PKN2: variants seen among roughly 807,000 people sequenced by gnomAD.
PKN2 encodes protein kinase N2.
PKN2 carries 38 observed loss-of-function variants against 119.1 expected under a neutral mutation model. That is an observed-to-expected ratio of 0.32 (90% CI 0.25 to 0.42). PKN2 has a LOEUF of 0.42. Among genes scored for constraint, PKN2 ranks in the 10% least tolerant of loss-of-function variants. The pLI is 1.00. For synonymous variants in PKN2, 390 were observed against 384.9 expected (o/e 1.01, Z -0.15); for missense variants, 850 against 1,165.1 (o/e 0.73, Z 3.94).
chr1:88,742,857 C>T (rs1477532549), intron 2 of PKN2, among the ~76,000 whole-genome samples: 9 of 152,104 alleles, frequency 5.9e-5, no homozygotes, highest in East Asian at 5.8e-4. Flanking sequence ...TTTATCATCA[C>T]GAGGAGCCCA....
rs936672907 is a variant in PKN2, at chr1:88,722,603, A to AC, written c.49-18381dup. ...AGCCTGGGCAACGTAGCACAGTGAG[A>AC]CCCCATCTCTACAAAAAAATTTAAA... is the stretch of plus-strand genomic sequence containing the variant. On this transcript the variant is annotated intron_variant, in intron 1 of 21. Coordinates refer to ENST00000370521, the MANE Select transcript of PKN2 (RefSeq NM_006256.4). Among the ~76,000 whole-genome samples the AC allele has an allele frequency of 1.4e-4, 22 of 151,992 alleles. 1 individual carries two copies. The highest frequency in any genetic ancestry group is 3.4e-3 in the Middle Eastern group (1 of 294).
At chr1:88,809,027 T>C (rs1346802850) in intron 15 of PKN2, among the ~76,000 whole-genome samples, 1 of 152,182 alleles carries the variant, frequency 6.6e-6, no homozygotes, top group Non-Finnish European at 1.5e-5. Flanking sequence ...ACTTTTAATG[T>C]TTTTTTCCAC....
chr1:88,803,190 G>A lies in PKN2; in HGVS notation c.1282-1201G>A, dbSNP rs191539065. ...AGATCACATTCTCACTGCCATAGAC[G>A]TATTTTTCTAATTCTTTTCCTGTTT... On this transcript the variant is annotated intron_variant, in intron 8 of 21. Coordinates refer to ENST00000370521, the MANE Select transcript of PKN2 (RefSeq NM_006256.4). Among the ~76,000 whole-genome samples the A allele has an allele frequency of 1.1e-4, 16 of 152,234 alleles. No homozygotes were observed. The East Asian group carries it at 1.7e-3, about 16-fold the overall frequency.
At chr1:88,798,737 T>C (rs1194318391) in intron 8 of PKN2, among the ~76,000 whole-genome samples, 1 of 152,108 alleles carries the variant, frequency 6.6e-6, no homozygotes, top group Non-Finnish European at 1.5e-5. Flanking sequence ...TTAGAAGGAA[T>C]GGGGCAGAGG....
rs571190779 is a variant in PKN2, at chr1:88,733,805, A to G, written c.49-7183A>G. ...TTTGCATTATACTTAGTGGTTGAGC[A>G]TTCCAAATCAAATTTTGAAAATTCA... On this transcript the variant is annotated intron_variant, in intron 1 of 21. Transcript: ENST00000370521. Among the ~76,000 whole-genome samples, 7 of 152,342 alleles carry G rather than the reference A, an allele frequency of 4.6e-5. No individual in the cohort carries two copies. The South Asian group carries it at 1.2e-3, about 27-fold the overall frequency.
chr1:88,698,583 A>C (rs1666635986), intron 1 of PKN2, among the ~76,000 whole-genome samples: 1 of 152,190 alleles, frequency 6.6e-6, no homozygotes, highest in African/African-American at 2.4e-5. Flanking sequence ...ACTTTTAAAA[A>C]ATTTTTGAAA....
At chr1:88,685,254 CTT>C (rs560919251) in intron 1 of PKN2, 25 of 144,374 alleles carry the variant, frequency 1.7e-4, no homozygotes, top group Non-Finnish European at 1.5e-4. Flanking sequence ...CTTTTCCTTT[CTT>C]TTTTTTTTTT....
intron 15 of PKN2, among the ~76,000 whole-genome samples, chr1:88,811,768 C>T (rs1671791317): frequency 6.6e-6 from 1 of 152,180 alleles, no homozygotes; most frequent in Non-Finnish European, 1.5e-5. Flanking sequence ...AAGCATAAAA[C>T]CAATAGTAAA....
In PKN2 at chr1:88,760,226, C is replaced by G; in HGVS notation, c.354C>G (p.Cys118Trp). Reference sequence around the variant, plus strand: ...TTAACAATATTTTATTTACAGATTGCCCAAGGACTCCAGATACTCCAAATA... The same window carrying G: ...TTAACAATATTTTATTTACAGATTGGCCAAGGACTCCAGATACTCCAAATA... ...VVSDPEDITD[C>W]PRTPDTPNND... The change falls in exon 3 of 22, where the codon TGC (cysteine) becomes TGG (tryptophan). Residue 118 changes from cysteine (C) to tryptophan (W), a missense_variant. Around this residue, in one of 9 missense-constraint regions of PKN2, gnomAD observed 350 missense variants for 511.1 expected, o/e 0.68. Coordinates refer to ENST00000370521, the MANE Select transcript of PKN2 (RefSeq NM_006256.4). 1 of 1,525,744 alleles carries G rather than the reference C, an allele frequency of 6.6e-7. No individual in the cohort carries two copies. The highest frequency in any genetic ancestry group is 9.0e-7 in the Non-Finnish European group (1 of 1,111,608). The allele number at this position is 1,525,744 out of a possible 1,614,324, so 94.5% of individuals were successfully genotyped here.
chr1:88,690,134 A>G (rs1394319435), intron 1 of PKN2, among the ~76,000 whole-genome samples: 1 of 152,164 alleles, frequency 6.6e-6, no homozygotes, highest in Non-Finnish European at 1.5e-5. Context: ...AATTCCTACC[A>G]TTCACATAGT....
intron 1 of PKN2, among the ~76,000 whole-genome samples, chr1:88,737,437 A>G (rs1187513036): frequency 6.6e-6 from 1 of 151,870 alleles, no homozygotes; most frequent in Admixed American, 6.6e-5. Flanking sequence ...CTGCTTTTGT[A>G]TCCCTCTTTT....
At chr1:88,804,822 C>T (rs974496348) in intron 9 of PKN2, 24 bp from the exon 10 acceptor site, 1 of 1,287,346 alleles carries the variant, frequency 7.8e-7, no homozygotes. Context: ...ATTTTCATGT[C>T]AACTTGAATT....
rs747757201 is a variant in PKN2, at chr1:88,805,871, G to A, written c.1677-20G>A. The A allele has an allele frequency of 6.2e-7, 1 of 1,612,780 alleles. No homozygotes were observed. The highest frequency in any genetic ancestry group is 2.2e-5 in the East Asian group (1 of 44,860). ...AGACTTTCTATTACTGTTTTGGTGA[G>A]TTACTTTATCTTCTATAAGTGATTC... On this transcript the variant is annotated intron_variant, in intron 11 of 21. Transcript: ENST00000370521.
At chr1:88,786,282 AAGGC>A in intron 8 of PKN2, 69 bp downstream of exon 8, 1 of 781,142 alleles carries the variant, frequency 1.3e-6, no homozygotes, top group East Asian at 2.7e-5. Flanking sequence ...TATTTTTTAG[AAGGC>A]TTCAACAAGT....
At chr1:88,805,821 T>C (rs1671514202) in intron 11 of PKN2, 70 bp from the exon 12 acceptor site, 1 of 1,608,584 alleles carries the variant, frequency 6.2e-7, no homozygotes, top group African/African-American at 1.3e-5. Context: ...ATTGTTTGCT[T>C]TAATTTTAAA....
intron 1 of PKN2, among the ~76,000 whole-genome samples, chr1:88,687,299 CT>C (rs1240125586): frequency 3.3e-5 from 5 of 152,000 alleles, no homozygotes; most frequent in Admixed American, 3.3e-4. Context: ...ACTTTGGTGG[CT>C]AGAGGTTTCA....
chr1:88,733,240 C>G (rs1023797393), intron 1 of PKN2, among the ~76,000 whole-genome samples: 1 of 152,034 alleles, frequency 6.6e-6, no homozygotes, highest in African/African-American at 2.4e-5. Context: ...TGTGGTAGTT[C>G]TGTTTAAAAT....
chr1:88,716,573 T>G (rs1667465248), intron 1 of PKN2, among the ~76,000 whole-genome samples: 1 of 152,222 alleles, frequency 6.6e-6, no homozygotes, highest in African/African-American at 2.4e-5. Flanking sequence ...CTTTTGATCT[T>G]TGTTGGTTTA....
At chr1:88,698,160 CT>C (rs1206006536) in intron 1 of PKN2, among the ~76,000 whole-genome samples, 4 of 152,012 alleles carry the variant, frequency 2.6e-5, no homozygotes, top group East Asian at 3.9e-4. Context: ...ATTTTTTAAC[CT>C]TTTTTTGTCC....
Sources: gnomAD v4.1 joint callset for allele counts (sites outside exome capture counted in the v4.1 genomes callset) on GRCh38, gnomAD v4.1.1 for gene constraint, gnomAD v4.1.1 regional missense constraint, MANE v1.5 for transcripts, NCBI Gene and HGNC (gene_info 2026-07-23, HGNC 2026-07-21) for gene names.